SMYD3: variants seen among roughly 807,000 people sequenced by gnomAD.
SMYD3 encodes the protein SET and MYND domain containing 3.
In SMYD3, 36 loss-of-function variants were observed where a neutral mutation model predicts 57.7. The ratio of observed to expected loss-of-function variants is 0.62; its 90% CI spans 0.48 to 0.82. The LOEUF is 0.82. SMYD3 is among the 40% of genes least tolerant of loss of function. SMYD3 has a pLI of 0.00. For synonymous variants in SMYD3, 211 were observed against 195.0 expected (o/e 1.08, Z -0.68); for missense variants, 515 against 538.8 (o/e 0.96, Z 0.44).
intron 5 of SMYD3, among the ~76,000 whole-genome samples, chr1:246,242,727 T>G (rs182040050): frequency 2.0e-5 from 3 of 151,916 alleles, no homozygotes; most frequent in African/African-American, 7.2e-5. Context: ...GAGACATACA[T>G]AGGCTCAAAA....
At chr1:245,928,484 C>T (rs753083987) in intron 6 of SMYD3, among the ~76,000 whole-genome samples, 3 of 149,170 alleles carry the variant, frequency 2.0e-5, no homozygotes, top group Non-Finnish European at 3.0e-5. Context: ...CCAGCCTGAT[C>T]AGCATGGTGA....
At chr1:245,944,888 A>C (rs1405855446) in intron 5 of SMYD3, among the ~76,000 whole-genome samples, 1 of 152,166 alleles carries the variant, frequency 6.6e-6, no homozygotes, top group Non-Finnish European at 1.5e-5. Flanking sequence ...CAATGGAGAA[A>C]GGATTCCTTA....
chr1:246,330,099 C>A (rs1188899753), intron 4 of SMYD3, among the ~76,000 whole-genome samples: 1 of 152,122 alleles, frequency 6.6e-6, no homozygotes, highest in Non-Finnish European at 1.5e-5. Flanking sequence ...ATCAGTAACC[C>A]TAAAAGCTCT....
chr1:245,898,696 T>C (rs1451222388), intron 8 of SMYD3, among the ~76,000 whole-genome samples: 2 of 152,186 alleles, frequency 1.3e-5, no homozygotes, highest in Admixed American at 6.5e-5. Context: ...CTGATAGACA[T>C]GGTGTTTCAA....
chr1:245,810,413 T>C (rs2048397550), intron 10 of SMYD3, among the ~76,000 whole-genome samples: 3 of 152,186 alleles, frequency 2.0e-5, no homozygotes, highest in Admixed American at 1.3e-4. Flanking sequence ...CTAATCCTCC[T>C]TACTCCCTTC....
intron 7 of SMYD3, among the ~76,000 whole-genome samples, chr1:245,917,011 T>C (rs79367957): frequency 0.11 from 16,201 of 142,824 alleles, 1,122 homozygotes; most frequent in East Asian, 0.39. Flanking sequence ...TTTATGTGAC[T>C]CTAATAATAA....
At position 246,351,540 on chromosome 1, in the gene SMYD3, C is replaced by T. The variant is rs562351875; in HGVS notation, c.228+3491G>A. Among the ~76,000 whole-genome samples, 4 of 152,110 alleles carry T rather than the reference C, an allele frequency of 2.6e-5. No individual in the cohort carries two copies. In the East Asian group the frequency reaches 7.7e-4, roughly 29 times the overall value. On this transcript the variant is annotated intron_variant, in intron 2 of 11. Coordinates refer to ENST00000490107, the MANE Select transcript of SMYD3 (RefSeq NM_001167740.2). ...TTCTATGAAATTATATGATAGACACCTGATAATAAGGTATAGACCAGAATA... is the reference window on the plus strand; with the variant it reads ...TTCTATGAAATTATATGATAGACACTTGATAATAAGGTATAGACCAGAATA...
At chr1:245,949,825 A>AC (rs376505931) in intron 5 of SMYD3, among the ~76,000 whole-genome samples, 52,693 of 93,354 alleles carry the variant, frequency 0.56, 13,973 homozygotes, top group Non-Finnish European at 0.67. Context: ...AAAGAAACCC[A>AC]CCCCCCCCAC....
intron 5 of SMYD3, among the ~76,000 whole-genome samples, chr1:246,320,267 C>T (rs1333900166): frequency 1.3e-5 from 2 of 152,058 alleles, no homozygotes; most frequent in African/African-American, 4.8e-5. Flanking sequence ...GCAACCAGTA[C>T]ATATTGCAAA....
At chr1:246,505,027 C>T (rs1038320590) in intron 1 of SMYD3, among the ~76,000 whole-genome samples, 3 of 152,162 alleles carry the variant, frequency 2.0e-5, no homozygotes, top group African/African-American at 7.2e-5. Context: ...AACAGAGCAA[C>T]TACTACCACA....
Position 245,813,017 on chromosome 1 carries a change from T to C in SMYD3, c.1076+45479A>G, listed in dbSNP as rs867639654. 2.4e-3 allele frequency among the ~76,000 whole-genome samples: 273 copies of C among 112,594 alleles called. 1 individual carries two copies. Among genetic ancestry groups the C allele is most frequent in the African/African-American group, 8.7e-3 (257 of 29,588 alleles). 73.9% of individuals were successfully genotyped at this position (112,594 alleles called of 152,430 possible). A position where few individuals can be genotyped will look rare whatever the true frequency, so the allele number is the denominator to read the frequency against. On this transcript the variant is annotated intron_variant, in intron 10 of 11. Transcript: ENST00000490107. ...CATGAGACAGCTTCTTTTTTTTTTT[T>C]TTTTTTTTTTTTTTTGAGACGGAGT...
intron 10 of SMYD3, among the ~76,000 whole-genome samples, chr1:245,771,723 T>C (rs1346230984): frequency 6.6e-6 from 1 of 152,238 alleles, no homozygotes; most frequent in East Asian, 1.9e-4. Flanking sequence ...GTCAGTCTTC[T>C]GATGTTCCTT....
At chr1:246,322,989 C>T (rs2065275283) in intron 5 of SMYD3, among the ~76,000 whole-genome samples, 1 of 152,340 alleles carries the variant, frequency 6.6e-6, no homozygotes, top group South Asian at 2.1e-4. Flanking sequence ...TGATATATTT[C>T]CCTCAGGAGG....
At chr1:246,426,464 T>C (rs2067219779) in intron 1 of SMYD3, among the ~76,000 whole-genome samples, 1 of 152,220 alleles carries the variant, frequency 6.6e-6, no homozygotes. Flanking sequence ...ACTTTCTGTC[T>C]ATATAGATTT....
intron 5 of SMYD3, among the ~76,000 whole-genome samples, chr1:246,234,053 C>A (rs1354722540): frequency 7.0e-6 from 1 of 142,460 alleles, no homozygotes; most frequent in Non-Finnish European, 1.5e-5. Context: ...TGAACATATA[C>A]CACACAGAGG....
chr1:245,916,100 A>G (rs1402274193), intron 7 of SMYD3, among the ~76,000 whole-genome samples: 2 of 152,194 alleles, frequency 1.3e-5, no homozygotes, highest in African/African-American at 4.8e-5. Context: ...ATTTAAGGTC[A>G]TCCAAATTTG....
intron 5 of SMYD3, among the ~76,000 whole-genome samples, chr1:245,948,963 C>T (rs547876011): frequency 2.1e-4 from 32 of 152,346 alleles, no homozygotes; most frequent in African/African-American, 7.5e-4. Flanking sequence ...TGAGCAGTTC[C>T]TCTGCAAGCC....
chr1:245,830,371 A>G (rs550243015), intron 10 of SMYD3, among the ~76,000 whole-genome samples: 1 of 152,344 alleles, frequency 6.6e-6, no homozygotes, highest in East Asian at 1.9e-4. Flanking sequence ...GTGAACTCCC[A>G]CTTATAAAAC....
chr1:246,013,548 GAT>G (rs1346354689), intron 5 of SMYD3, among the ~76,000 whole-genome samples: 1 of 152,182 alleles, frequency 6.6e-6, no homozygotes, highest in African/African-American at 2.4e-5. Context: ...TTATTGGTTT[GAT>G]ATGTTACATT....
Sources: gnomAD v4.1 joint callset for allele counts (sites outside exome capture counted in the v4.1 genomes callset) on GRCh38, gnomAD v4.1.1 for gene constraint, MANE v1.5 for transcripts, NCBI Gene and HGNC (gene_info 2026-07-23, HGNC 2026-07-21) for gene names.